VAV1: variants seen among roughly 807,000 people sequenced by gnomAD.
The protein encoded by VAV1 is proto-oncogene vav.
VAV1 carries 33 observed loss-of-function variants against 128.1 expected under a neutral mutation model. The ratio of observed to expected loss-of-function variants is 0.26; its 90% CI spans 0.20 to 0.34. VAV1 has a LOEUF of 0.34. VAV1 is among the 10% of genes least tolerant of loss of function. VAV1 has a pLI of 1.00. For missense variants in VAV1, 715 were observed against 1,093.7 expected (o/e 0.65, Z 4.88); for synonymous variants, 394 against 409.8 (o/e 0.96, Z 0.47).
chr19:6,824,461 A>G (rs1247599472), intron 6 of VAV1, among the ~76,000 whole-genome samples: 2 of 152,178 alleles, frequency 1.3e-5, no homozygotes, highest in Admixed American at 6.5e-5. Context: ...AGGTTCATCC[A>G]CATTGTAGCC....
rs534361456 is a variant in VAV1, at chr19:6,848,163, G to A, written c.2129+49G>A. 2.3e-5 allele frequency: 34 copies of A among 1,491,004 alleles called. No individual in the cohort carries two copies. The South Asian group carries it at 2.7e-4, about 12-fold the overall frequency. 92.4% of individuals were successfully genotyped at this position (1,491,004 alleles called of 1,614,324 possible). ...TACCCTTTTGGGGCCTGGGCCCTGC[G>A]GGCCTGGGAAAAAGGGTATCCAGGT... On this transcript the variant is annotated intron_variant, in intron 23 of 26. Transcript: ENST00000602142.
intron 1 of VAV1, among the ~76,000 whole-genome samples, chr19:6,773,429 C>T (rs1425218230): frequency 6.6e-6 from 1 of 152,154 alleles, no homozygotes; most frequent in Non-Finnish European, 1.5e-5. Context: ...GGGGGAGGAG[C>T]CTCCGCCAAC....
chr19:6,808,078 C>T (rs543836679), intron 1 of VAV1, among the ~76,000 whole-genome samples: 6 of 151,702 alleles, frequency 4.0e-5, no homozygotes, highest in East Asian at 3.9e-4. Flanking sequence ...TTTGGGAGGC[C>T]GAGGCAGGTG....
intron 2 of VAV1, 31 bp from the exon 3 acceptor site, chr19:6,821,591 G>A (rs1971784727): frequency 6.2e-7 from 1 of 1,613,928 alleles, no homozygotes; most frequent in Non-Finnish European, 8.5e-7. Context: ...GTGTACAAGG[G>A]GCTCACTGAG....
At chr19:6,852,929 G>A (rs372082481) in intron 24 of VAV1, 36 bp from the exon 25 acceptor site, 325 of 1,574,432 alleles carry the variant, frequency 2.1e-4, no homozygotes, top group Non-Finnish European at 2.5e-4. Flanking sequence ...GGGCTGGCCC[G>A]CTGGGATAGC....
chr19:6,828,065 T>C lies in VAV1; in HGVS notation c.928-11T>C, dbSNP rs1971962484. The C allele has an allele frequency of 6.2e-7, 1 of 1,613,734 alleles. No homozygotes were observed. Among genetic ancestry groups the C allele is most frequent in the African/African-American group, 1.3e-5 (1 of 74,916 alleles). ...CTGCCTCAGTTTCCCCATTGTTCTC[T>C]GATTCCCCAGGAATGTTCTCAGAGA... On this transcript the variant is annotated splice_polypyrimidine_tract_variant and intron_variant, in intron 9 of 26. Transcript: ENST00000602142. The surrounding 1 kb of genome is among the most constrained non-coding windows in gnomAD (Gnocchi z 4.5).
intron 1 of VAV1, among the ~76,000 whole-genome samples, chr19:6,789,455 G>A (rs7256070): frequency 0.22 from 33,655 of 151,932 alleles, 3,962 homozygotes; most frequent in African/African-American, 0.3. Context: ...GTTTCACCGT[G>A]TTAGCCAGGA....
intron 1 of VAV1, among the ~76,000 whole-genome samples, chr19:6,803,704 A>C (rs1483634906): frequency 6.6e-6 from 1 of 152,080 alleles, no homozygotes; most frequent in Non-Finnish European, 1.5e-5. Context: ...AGCTGGGTTT[A>C]CTGGCACCTG....
rs527969888 is a variant in VAV1, at chr19:6,773,043, T to C, written c.204+32T>C. 5.6e-6 allele frequency: 9 copies of C among 1,613,432 alleles called. No individual in the cohort carries two copies. The African/African-American group carries it at 6.7e-5, about 12-fold the overall frequency. ...CCTCCGCGGGCAGGTGTGCTGAGGGTTGGAGACGGGGGTCCTCCCCGGGGC... is the reference window on the plus strand; with the variant it reads ...CCTCCGCGGGCAGGTGTGCTGAGGGCTGGAGACGGGGGTCCTCCCCGGGGC... On this transcript the variant is annotated intron_variant, in intron 1 of 26. Transcript: ENST00000602142.
intron 1 of VAV1, among the ~76,000 whole-genome samples, chr19:6,814,698 T>TCTCTCTCTCTCTCTCTC (rs1971599421): frequency 7.6e-6 from 1 of 131,354 alleles, no homozygotes; most frequent in African/African-American, 3.3e-5. Flanking sequence ...CTTTCTTTCT[T>TCTCTCTCTCTCTCTCTC]TCTTTCTTTC....
intron 1 of VAV1, among the ~76,000 whole-genome samples, chr19:6,791,869 T>G (rs1024738940): frequency 3.3e-5 from 5 of 152,100 alleles, no homozygotes; most frequent in African/African-American, 1.2e-4. Context: ...GGGCAAAGAC[T>G]GTGCAAATGC....
chr19:6,847,952 C>T (rs1972565583), intron 22 of VAV1, 46 bp from the exon 23 acceptor site: 1 of 1,425,064 alleles, frequency 7.0e-7, no homozygotes, highest in Non-Finnish European at 9.2e-7. Flanking sequence ...TATGGGGACC[C>T]AGGCACGGGG....
intron 23 of VAV1, among the ~76,000 whole-genome samples, chr19:6,849,314 A>AG (rs1299304286): frequency 4.1e-5 from 4 of 96,632 alleles, no homozygotes; most frequent in African/African-American, 1.9e-4. Context: ...TTTGAGATGG[A>AG]GTCTCACTTT....
At chr19:6,836,860 A>G (rs1972236266) in intron 20 of VAV1, 125 bp from the exon 21 acceptor site, 3 of 231,770 alleles carry the variant, frequency 1.3e-5, no homozygotes, top group African/African-American at 4.4e-5. Context: ...ACACACACAC[A>G]CACACACACA....
At chr19:6,833,347 G>A in intron 16 of VAV1, 62 bp downstream of exon 16, 1 of 1,520,380 alleles carries the variant, frequency 6.6e-7, no homozygotes, top group Non-Finnish European at 8.9e-7. Context: ...TGCTAGAGAA[G>A]ATGGCCTAGT....
At chr19:6,819,558 CTGAG>C (rs1408826184) in intron 1 of VAV1, among the ~76,000 whole-genome samples, 1 of 152,182 alleles carries the variant, frequency 6.6e-6, no homozygotes. Context: ...TTTTTTATGG[CTGAG>C]TAATATTCCA....
At chr19:6,817,483 A>G (rs1166422854) in intron 1 of VAV1, among the ~76,000 whole-genome samples, 3 of 152,068 alleles carry the variant, frequency 2.0e-5, no homozygotes, top group Non-Finnish European at 2.9e-5. Flanking sequence ...CATCTAGTTA[A>G]CAAACATATA....
intron 21 of VAV1, among the ~76,000 whole-genome samples, chr19:6,841,382 C>T (rs74397165): frequency 0.011 from 1,692 of 152,130 alleles, 41 homozygotes; most frequent in African/African-American, 0.038. Context: ...CTTTCAATTC[C>T]TTTGGGTATA....
At chr19:6,852,909 GC>G (rs1972703871) in intron 24 of VAV1, 55 bp from the exon 25 acceptor site, 2 of 1,457,130 alleles carry the variant, frequency 1.4e-6, no homozygotes, top group South Asian at 2.3e-5. Flanking sequence ...TCCTAGCTCT[GC>G]CCCCTTATGG....
Sources: gnomAD v4.1 joint callset for allele counts (sites outside exome capture counted in the v4.1 genomes callset) on GRCh38, gnomAD v4.1.1 for gene constraint, Gnocchi (gnomAD v3.1) non-coding constraint, MANE v1.5 for transcripts, NCBI Gene and HGNC (gene_info 2026-07-23, HGNC 2026-07-21) for gene names.